Variants in CDC42EP4 observed in about 807,000 individuals in gnomAD.
The protein encoded by CDC42EP4 is CDC42 effector protein (Rho GTPase binding) 4.
CDC42EP4 carries 6 observed loss-of-function variants against 5.6 expected under a neutral mutation model. That is an observed-to-expected ratio of 1.07 (90% confidence interval 0.59 to 2.12). The LOEUF is 2.12. Ranked by LOEUF, CDC42EP4 falls within the 30% of genes most tolerant of loss-of-function variation. CDC42EP4 has a pLI of 0.00. For synonymous variants in CDC42EP4, 230 were observed against 224.2 expected (o/e 1.03, Z -0.23); for missense variants, 490 against 508.6 (o/e 0.96, Z 0.35).
rs560066624 is a variant in CDC42EP4, at chr17:73,308,154, A to G, written c.-113+3739T>C. 2.6e-4 allele frequency among the ~76,000 whole-genome samples: 40 copies of G among 152,290 alleles called. 1 individual carries two copies. The South Asian group carries it at 3.1e-3, about 12-fold the overall frequency. On this transcript the variant is annotated intron_variant, in intron 1 of 1. Coordinates refer to ENST00000335793, the MANE Select transcript of CDC42EP4 (RefSeq NM_012121.5). ...AGTTCCCTGCCGAGAGAGGGCACGCATGGGCTTGGCCTTCCTAGAGCACCC... is the reference window on the plus strand; with the variant it reads ...AGTTCCCTGCCGAGAGAGGGCACGCGTGGGCTTGGCCTTCCTAGAGCACCC...
At position 73,297,307 on chromosome 17, in the gene CDC42EP4, A is replaced by C. The variant is rs1485073899; in HGVS notation, c.-112-10695T>G. Among the ~76,000 whole-genome samples the C allele has an allele frequency of 2.1e-3, 305 of 148,190 alleles. 1 individual carries two copies. Among genetic ancestry groups the C allele is most frequent in the African/African-American group, 6.9e-3 (274 of 39,892 alleles). ...AAGACTTCGTCTCCAAAAAAAAAAAAAAACACACACACACAAATTAGCCAG... is the reference window on the plus strand; with the variant it reads ...AAGACTTCGTCTCCAAAAAAAAAAACAAACACACACACACAAATTAGCCAG... On this transcript the variant is annotated intron_variant, in intron 1 of 1. Coordinates refer to ENST00000335793, the MANE Select transcript of CDC42EP4 (RefSeq NM_012121.5).
Position 73,285,316 on chromosome 17 carries a change from T to C in CDC42EP4, c.*114A>G, listed in dbSNP as rs533524183. On this transcript the variant is annotated 3_prime_UTR_variant, in exon 2 of 2. Coordinates refer to ENST00000335793, the MANE Select transcript of CDC42EP4 (RefSeq NM_012121.5). The surrounding 1 kb of genome is among the most constrained non-coding windows in gnomAD (Gnocchi z 6.8). ...CCTCATCTACAAGGTCCAGGGTCCA[T>C]GGTCTGAATCAAGGGTCCTGGCTGC... The C allele has an allele frequency of 1.2e-3, 996 of 824,612 alleles. 1 individual carries two copies. Among genetic ancestry groups the C allele is most frequent in the Non-Finnish European group, 1.8e-3 (928 of 520,244 alleles). The allele number at this position is 824,612 out of a possible 1,614,324, so 51.1% of individuals were successfully genotyped here. A position where few individuals can be genotyped will look rare whatever the true frequency, so the allele number is the denominator to read the frequency against.
chr17:73,305,805 A>C (rs1233145724), intron 1 of CDC42EP4, among the ~76,000 whole-genome samples: 1 of 152,230 alleles, frequency 6.6e-6, no homozygotes, highest in Non-Finnish European at 1.5e-5. Flanking sequence ...GAGAACAGCC[A>C]CCTGAGAGCA....
chr17:73,289,736 A>G, intron 1 of CDC42EP4, among the ~76,000 whole-genome samples: 3 of 86,360 alleles, frequency 3.5e-5, no homozygotes, highest in African/African-American at 4.7e-5. Flanking sequence ...GAAGGGAGGG[A>G]GGGAGGAAGG....
intron 1 of CDC42EP4, among the ~76,000 whole-genome samples, chr17:73,304,036 C>G (rs1344437398): frequency 6.6e-6 from 1 of 152,174 alleles, no homozygotes; most frequent in Non-Finnish European, 1.5e-5. Flanking sequence ...TAACATCTCT[C>G]CATGTGGATC....
At chr17:73,293,006 TC>T (rs1376786812) in intron 1 of CDC42EP4, among the ~76,000 whole-genome samples, 1 of 151,936 alleles carries the variant, frequency 6.6e-6, no homozygotes, top group Non-Finnish European at 1.5e-5. Context: ...GAGCCACTGC[TC>T]CTGGCCGATT....
At chr17:73,308,573 G>A (rs1248480246) in intron 1 of CDC42EP4, among the ~76,000 whole-genome samples, 5 of 152,228 alleles carry the variant, frequency 3.3e-5, no homozygotes, top group African/African-American at 7.2e-5. Flanking sequence ...ACGTAGGGGC[G>A]TGGGGTGGGG....
rs141311114 is a variant in CDC42EP4, at chr17:73,309,255, G to A, written c.-113+2638C>T. ...CCCAGCTACTCAGGAGGCTGAAGTGGGAGGATAGCTTGAGCCCAGGAGGTC... is the reference window on the plus strand; with the variant it reads ...CCCAGCTACTCAGGAGGCTGAAGTGAGAGGATAGCTTGAGCCCAGGAGGTC... On this transcript the variant is annotated intron_variant, in intron 1 of 1. Transcript: ENST00000335793. 3.9e-3 allele frequency among the ~76,000 whole-genome samples: 589 copies of A among 152,150 alleles called. 6 individuals carry two copies. The highest frequency in any genetic ancestry group is 0.013 in the African/African-American group (530 of 41,508).
rs367875010 is a variant in CDC42EP4 at position 73,285,925 on chromosome 17, G to A, written c.576C>T (p.Val192=). 14 of 1,613,786 alleles carry A rather than the reference G, an allele frequency of 8.7e-6. No homozygotes were observed. Among genetic ancestry groups the A allele is most frequent in the African/African-American group, 5.3e-5 (4 of 74,920 alleles). ...TCAGCCCGTACGTGGCCTTGGGCAC[G>A]ACAGGCAGATCTGTCAGATCCCCAA... ...QAFGDLTDLP[V]VPKATYGLKH... The change falls in exon 2 of 2, where the codon GTC becomes GTT. Residue 192 remains valine, a synonymous_variant. Transcript: ENST00000335793. This position sits in a 1 kb window ranked among gnomAD's most constrained non-coding sequence, Gnocchi z 6.8.
intron 1 of CDC42EP4, among the ~76,000 whole-genome samples, chr17:73,305,949 T>G (rs2062242679): frequency 6.6e-6 from 1 of 152,148 alleles, no homozygotes; most frequent in Non-Finnish European, 1.5e-5. Context: ...AGGTACAGAT[T>G]CTGCCCTCCC....
Position 73,284,543 on chromosome 17 carries a change from C to T in CDC42EP4, c.*887G>A, listed in dbSNP as rs933971661. 3.3e-5 allele frequency: 5 copies of T among 151,578 alleles called. No individual in the cohort carries two copies. The highest frequency in any genetic ancestry group is 4.4e-5 in the Non-Finnish European group (3 of 67,982). 9.4% of individuals were successfully genotyped at this position (151,578 alleles called of 1,614,324 possible). On this transcript the variant is annotated 3_prime_UTR_variant, in exon 2 of 2. Transcript: ENST00000335793. ...TGTCCCCAGACTCCAGTCCGCTAATCGCCACCAGACTCCAGTCCGCTAATC... is the reference window on the plus strand; with the variant it reads ...TGTCCCCAGACTCCAGTCCGCTAATTGCCACCAGACTCCAGTCCGCTAATC...
rs761450720 is a variant in CDC42EP4, at chr17:73,286,177, G to A, written c.324C>T (p.Asp108=). The A allele has an allele frequency of 4.3e-6, 7 of 1,614,122 alleles. 1 individual carries two copies. In the Middle Eastern group the frequency reaches 9.9e-4, roughly 228 times the overall value. The change falls in exon 2 of 2, where the codon GAC becomes GAT. Residue 108 remains aspartate (D), a synonymous_variant. Coordinates refer to ENST00000335793, the MANE Select transcript of CDC42EP4 (RefSeq NM_012121.5). This position sits in a 1 kb window ranked among gnomAD's most constrained non-coding sequence, Gnocchi z 7.7. ...EQRDMLGSLR[D]SALFVKNAMS... ...TGGCATTCTTGACAAACAGGGCCGA[G>A]TCCCGCAGGGAGCCCAGCATGTCAC... is the stretch of plus-strand genomic sequence containing the variant.
rs751671397 is a variant in CDC42EP4 at position 73,286,424 on chromosome 17, A to C, written c.77T>G (p.Met26Arg). ...RRSRADLTAEMISAPLGDFRH... is the reference protein window; with the variant it reads ...RRSRADLTAERISAPLGDFRH... Reference sequence around the variant, plus strand: ...GAAGTCGCCCAGCGGGGCGCTGATCATCTCGGCCGTGAGGTCCGCTCGGGA... The same window carrying C: ...GAAGTCGCCCAGCGGGGCGCTGATCCTCTCGGCCGTGAGGTCCGCTCGGGA... The change falls in exon 2 of 2, where the codon ATG (methionine) becomes AGG (arginine). Residue 26 changes from methionine to arginine, a missense_variant. Physicochemically the swap from Met to Arg is moderately conservative, Grantham distance 91. Transcript: ENST00000335793. The surrounding 1 kb of genome is among the most constrained non-coding windows in gnomAD (Gnocchi z 7.7). 6.2e-7 allele frequency: 1 copy of C among 1,613,494 alleles called. No homozygotes were observed.
At chr17:73,290,907 A>C (rs908032058) in intron 1 of CDC42EP4, among the ~76,000 whole-genome samples, 3 of 152,368 alleles carry the variant, frequency 2.0e-5, no homozygotes, top group South Asian at 4.1e-4. Context: ...GACTCACCAG[A>C]GAAGCTGCAG....
Position 73,286,856 on chromosome 17 carries a change from T to C in CDC42EP4, c.-112-244A>G, listed in dbSNP as rs2062137517. 4.5e-6 allele frequency: 1 copy of C among 223,266 alleles called. No homozygotes were observed. 13.8% of individuals were successfully genotyped at this position (223,266 alleles called of 1,614,324 possible). Reference sequence around the variant, plus strand: ...CCTCGGACACACTTTCCCTGAAACTTGAGAGAGACAGAACCTTTCTTGCAG... The same window carrying C: ...CCTCGGACACACTTTCCCTGAAACTCGAGAGAGACAGAACCTTTCTTGCAG... On this transcript the variant is annotated intron_variant, in intron 1 of 1. Transcript: ENST00000335793. This position sits in a 1 kb window ranked among gnomAD's most constrained non-coding sequence, Gnocchi z 7.7.
At chr17:73,290,443 G>A (rs2062156142) in intron 1 of CDC42EP4, among the ~76,000 whole-genome samples, 2 of 152,220 alleles carry the variant, frequency 1.3e-5, no homozygotes, top group South Asian at 4.1e-4. Context: ...CCACACTGTT[G>A]CTATTTGGGC....
chr17:73,296,910 G>A (rs1332702809), intron 1 of CDC42EP4, among the ~76,000 whole-genome samples: 46 of 142,336 alleles, frequency 3.2e-4, no homozygotes, highest in Admixed American at 4.4e-4. Flanking sequence ...GAACCCGGGA[G>A]GCGGAGCTTG....
intron 1 of CDC42EP4, among the ~76,000 whole-genome samples, chr17:73,310,703 G>C (rs2062268854): frequency 1.3e-5 from 2 of 149,874 alleles, no homozygotes; most frequent in African/African-American, 4.9e-5. Flanking sequence ...GAAAACACAG[G>C]GAACCTGGTT....
At chr17:73,311,850 C>G (rs1400495526) in intron 1 of CDC42EP4, 43 bp downstream of exon 1, 1 of 152,230 alleles carries the variant, frequency 6.6e-6, no homozygotes, top group Non-Finnish European at 1.5e-5. Flanking sequence ...GCACCCAGCG[C>G]GAAGGCGGCT....
Sources: allele counts gnomAD v4.1 joint callset (sites outside exome capture counted in the v4.1 genomes callset), GRCh38; gene constraint gnomAD v4.1.1; non-coding constraint Gnocchi (gnomAD v3.1); transcripts MANE v1.5; gene names NCBI Gene and HGNC (gene_info 2026-07-23, HGNC 2026-07-21).